LMF1: variants seen among roughly 807,000 people sequenced by gnomAD.
LMF1 encodes transmembrane protein 112.
A neutral mutation model predicts 60.6 loss-of-function variants in LMF1; 68 were observed. The ratio of observed to expected loss-of-function variants is 1.12; its 90% CI spans 0.92 to 1.37. The LOEUF (loss-of-function observed/expected upper bound fraction) is 1.37, where lower values mean the gene tolerates loss of function less well. Ranked by LOEUF, LMF1 falls within the 40% of genes most tolerant of loss-of-function variation. LMF1 has a pLI of 0.00. For missense variants in LMF1, 948 were observed against 767.2 expected (o/e 1.24, Z -2.78); for synonymous variants, 418 against 324.7 (o/e 1.29, Z -3.09).
upstream of LMF1, among the ~76,000 whole-genome samples, chr16:974,123 C>T (rs867551552): frequency 1.3e-5 from 2 of 152,298 alleles, no homozygotes; most frequent in South Asian, 4.1e-4. Context: ...ATGTCATTTA[C>T]GCTCACCTTA....
chr16:884,629 G>A (rs1654261880), intron 5 of LMF1, among the ~76,000 whole-genome samples: 1 of 151,976 alleles, frequency 6.6e-6, no homozygotes, highest in Non-Finnish European at 1.5e-5. Flanking sequence ...TCTGGAAGTG[G>A]TGATGTTAGG....
chr16:941,060 C>G (rs942008660), intron 2 of LMF1, among the ~76,000 whole-genome samples: 2 of 152,092 alleles, frequency 1.3e-5, no homozygotes, highest in Non-Finnish European at 2.9e-5. Context: ...GATAATACTC[C>G]GTGTCCTGAA....
At chr16:909,608 G>A (rs1471769295) in intron 4 of LMF1, among the ~76,000 whole-genome samples, 1 of 152,156 alleles carries the variant, frequency 6.6e-6, no homozygotes, top group African/African-American at 2.4e-5. Flanking sequence ...CATGCTACAC[G>A]CTACACCGAG....
At chr16:869,859 C>A in intron 9 of LMF1, 24 bp downstream of exon 9, 1 of 1,600,276 alleles carries the variant, frequency 6.2e-7, no homozygotes, top group Non-Finnish European at 8.5e-7. Flanking sequence ...CAGGTCCATG[C>A]GCCCGCCAGG....
In LMF1 at chr16:876,147, C is replaced by A. The variant is rs1011335580; in HGVS notation, c.897+3423G>T. Among the ~76,000 whole-genome samples, 82 of 152,388 alleles carry A rather than the reference C, an allele frequency of 5.4e-4. 1 individual carries two copies. The highest frequency in any genetic ancestry group is 1.9e-3 in the African/African-American group (81 of 41,594). On this transcript the variant is annotated intron_variant, in intron 6 of 10. Coordinates refer to ENST00000262301, the MANE Select transcript of LMF1 (RefSeq NM_022773.4). ...GCCCTTCAGAGGCTGAGTGGAGAAACAAACCGGGGCACGTGCGGACCACGG... is the reference window on the plus strand; with the variant it reads ...GCCCTTCAGAGGCTGAGTGGAGAAAAAAACCGGGGCACGTGCGGACCACGG...
rs2071667144 is a variant in LMF1 at position 928,200 on chromosome 16, GCC to G, written c.514+6042_514+6043del. Among the ~76,000 whole-genome samples, 11 of 152,242 alleles carry G rather than the reference GCC, an allele frequency of 7.2e-5. No homozygotes were observed. The South Asian group carries it at 2.3e-3, about 32-fold the overall frequency. On this transcript the variant is annotated intron_variant, in intron 3 of 10. Transcript: ENST00000262301. ...TTCCTCGCACCCGCTACGTGGATGG[GCC>G]CCCCCAGCCTCCACGTGTTTTCAGC...
At chr16:971,035 TTCTC>T (rs2073041967), upstream of LMF1, 7 of 1,349,250 alleles carry the variant, frequency 5.2e-6, no homozygotes, top group Non-Finnish European at 6.7e-6. Flanking sequence ...GCCCCGCCCA[TTCTC>T]GGAGGCCCCG....
intron 2 of LMF1, among the ~76,000 whole-genome samples, chr16:936,660 T>C (rs2071956840): frequency 6.6e-6 from 1 of 152,202 alleles, no homozygotes; most frequent in Non-Finnish European, 1.5e-5. Context: ...TGCCCCCCTT[T>C]CCGTGACCAA....
intron 5 of LMF1, among the ~76,000 whole-genome samples, chr16:886,110 C>G (rs2070298300): frequency 6.6e-6 from 1 of 152,244 alleles, no homozygotes; most frequent in Non-Finnish European, 1.5e-5. Context: ...CATGTTACGA[C>G]ATTTGATTCT....
At chr16:980,970 G>T in intron 1 of LMF1, 1 of 151,736 alleles carries the variant, frequency 6.6e-6, no homozygotes, top group South Asian at 2.0e-4. Flanking sequence ...TCCGCCCGGC[G>T]GCCCCAGGGA....
chr16:935,070 G>A (rs904963816), intron 2 of LMF1, among the ~76,000 whole-genome samples: 3 of 152,194 alleles, frequency 2.0e-5, no homozygotes, highest in Non-Finnish European at 2.9e-5. Context: ...AGACACAGGA[G>A]GTAGATTGCC....
chr16:895,847 G>A (rs903909527), intron 4 of LMF1, among the ~76,000 whole-genome samples: 3 of 151,420 alleles, frequency 2.0e-5, no homozygotes, highest in East Asian at 1.9e-4. Context: ...CCACACACAC[G>A]CCTCGGAGGG....
rs532274584 is a variant in LMF1, at chr16:944,035, C to T, written c.504-9781G>A. 6.6e-5 allele frequency among the ~76,000 whole-genome samples: 10 copies of T among 152,298 alleles called. No individual in the cohort carries two copies. The South Asian group carries it at 1.9e-3, about 28-fold the overall frequency. ...TGAGCTACTGGAGGATGAACTTGGTCTTTCCAAAAGCTCAGTTAGGGTCAG... is the reference window on the plus strand; with the variant it reads ...TGAGCTACTGGAGGATGAACTTGGTTTTTCCAAAAGCTCAGTTAGGGTCAG... On this transcript the variant is annotated intron_variant, in intron 2 of 10. Coordinates refer to ENST00000262301, the MANE Select transcript of LMF1 (RefSeq NM_022773.4).
chr16:969,731 A>T (rs1258481989), intron 1 of LMF1, among the ~76,000 whole-genome samples: 1 of 152,224 alleles, frequency 6.6e-6, no homozygotes, highest in Non-Finnish European at 1.5e-5. Flanking sequence ...CGCTGGCTGC[A>T]TCTCGGCCTG....
Position 878,900 on chromosome 16 carries a change from T to C in LMF1, c.897+670A>G, listed in dbSNP as rs2070077025. On this transcript the variant is annotated intron_variant, in intron 6 of 10. Transcript: ENST00000262301. The surrounding 1 kb of genome is among the most constrained non-coding windows in gnomAD (Gnocchi z 5.2). ...TCGAGAGAGAGAACCACCTTTAAAA[T>C]CCCCACCACATTTTCCTTGGGAATT... 6.6e-6 allele frequency among the ~76,000 whole-genome samples: 1 copy of C among 152,124 alleles called. No homozygotes were observed. The highest frequency in any genetic ancestry group is 6.5e-5 in the Admixed American group (1 of 15,274).
At chr16:971,775 A>G (rs556305287), upstream of LMF1, among the ~76,000 whole-genome samples, 1 of 152,302 alleles carries the variant, frequency 6.6e-6, no homozygotes, top group East Asian at 1.9e-4. Context: ...AGAGGAAAGA[A>G]AGGGCGTGAG....
chr16:870,675 G>T (rs13329717), intron 8 of LMF1, 54 bp downstream of exon 8: 154 of 1,596,652 alleles, frequency 9.6e-5, no homozygotes, highest in African/African-American at 2.0e-4. Flanking sequence ...GGCTGGTCAG[G>T]GCTGAGTCTC....
rs1567132292 is a variant in LMF1 at position 857,484 on chromosome 16, C to CTCGGG, written c.1530-2779_1530-2778insCCCGA. 1.4e-4 allele frequency among the ~76,000 whole-genome samples: 15 copies of CTCGGG among 103,840 alleles called. 3 individuals are homozygous for CTCGGG. The highest frequency in any genetic ancestry group is 5.9e-4 in the African/African-American group (14 of 23,884). The allele number at this position is 103,840 out of a possible 152,430, so 68.1% of individuals were successfully genotyped here. A position where few individuals can be genotyped will look rare whatever the true frequency, so the allele number is the denominator to read the frequency against. The stretch of plus-strand genomic sequence containing the variant: ...GTCTCGGGACGGGTGTGAGTGGTGT[C>CTCGGG]ACCGGACGGGTGTGAGTGGTGTCTC... On this transcript the variant is annotated intron_variant, in intron 10 of 10. Coordinates refer to ENST00000262301, the MANE Select transcript of LMF1 (RefSeq NM_022773.4).
At chr16:854,995 G>C (rs7195471) in intron 10 of LMF1, 3 of 518,648 alleles carry the variant, frequency 5.8e-6, no homozygotes, top group East Asian at 6.9e-5. Flanking sequence ...GGACCGGCCC[G>C]GGGAAGGCCA....
Sources: allele counts gnomAD v4.1 joint callset (sites outside exome capture counted in the v4.1 genomes callset), GRCh38; gene constraint gnomAD v4.1.1; non-coding constraint Gnocchi (gnomAD v3.1); transcripts MANE v1.5; gene names NCBI Gene and HGNC (gene_info 2026-07-23, HGNC 2026-07-21).